ANKRD26: variants seen among roughly 807,000 people sequenced by gnomAD.
ANKRD26 encodes ankyrin repeat domain-containing protein 26.
ANKRD26 carries 141 observed loss-of-function variants against 208.7 expected under a neutral mutation model. The observed-to-expected ratio is 0.68, with a 90% CI of 0.59 to 0.78. The LOEUF (loss-of-function observed/expected upper bound fraction) is 0.78. Among genes scored for constraint, ANKRD26 ranks in the 30% least tolerant of loss-of-function variants. The pLI is 0.00. For synonymous variants in ANKRD26, 636 were observed against 660.4 expected, an observed-to-expected ratio of 0.96 and a Z score of 0.57; for missense variants, 1,889 against 1,938.7, an observed-to-expected ratio of 0.97 and a Z score of 0.48.
At chr10:26,968,990 G>A, downstream of ANKRD26, among the ~76,000 whole-genome samples, 1 of 152,150 alleles carries the variant, frequency 6.6e-6, no homozygotes, top group East Asian at 1.9e-4. Flanking sequence ...CTGGGAGTAG[G>A]AAATCTCAGA....
downstream of ANKRD26, among the ~76,000 whole-genome samples, chr10:26,972,747 T>C (rs968217815): frequency 7.2e-5 from 11 of 151,896 alleles, no homozygotes; most frequent in African/African-American, 9.7e-5. Flanking sequence ...CCCGCCACCG[T>C]GCCCGGCTAA....
the ANKRD26 span, among the ~76,000 whole-genome samples, chr10:26,961,381 C>T: frequency 6.6e-6 from 1 of 152,058 alleles, no homozygotes; most frequent in Admixed American, 6.6e-5. Flanking sequence ...GAATCAAAGG[C>T]AATTTTCCCA....
At chr10:27,008,809 A>G (rs1385520961) in intron 32 of ANKRD26, among the ~76,000 whole-genome samples, 2 of 152,208 alleles carry the variant, frequency 1.3e-5, no homozygotes, top group Admixed American at 1.3e-4. Context: ...CCGCTACATA[A>G]AGTCTCTTCC....
At chr10:27,007,961 CA>C (rs1037253616) in intron 32 of ANKRD26, among the ~76,000 whole-genome samples, 2 of 151,780 alleles carry the variant, frequency 1.3e-5, no homozygotes, top group Non-Finnish European at 2.9e-5. Flanking sequence ...GAATTATAAA[CA>C]AAAAATATAT....
rs770197413 is a variant in ANKRD26 at position 27,012,915 on chromosome 10, A to C, written c.4920T>G (p.Ala1640=). ...AGTAGTTCTCCATGCTATTATTTGAAGCCCGTGGATTTGAGGTAGAGATCA... is the reference window on the plus strand; with the variant it reads ...AGTAGTTCTCCATGCTATTATTTGACGCCCGTGGATTTGAGGTAGAGATCA... ...NLVISTSNPR[A]SNNSMENYLS... is the part of the protein sequence containing the mutation. Residue 1640 remains alanine (A), a synonymous_variant, in exon 32 of 34, where the codon GCT becomes GCG. Transcript: ENST00000376087. 1.9e-6 allele frequency: 3 copies of C among 1,613,962 alleles called. No individual in the cohort carries two copies. In the Admixed American group the frequency reaches 5.0e-5, roughly 27 times the overall value.
At chr10:26,967,115 G>A in the ANKRD26 span, among the ~76,000 whole-genome samples, 1 of 130,266 alleles carries the variant, frequency 7.7e-6, no homozygotes, top group Admixed American at 7.3e-5. Flanking sequence ...ATATTTTTAT[G>A]ACAAGTGATA....
At chr10:27,094,701 T>A (rs2056409941) in intron 1 of ANKRD26, among the ~76,000 whole-genome samples, 1 of 152,232 alleles carries the variant, frequency 6.6e-6, no homozygotes, top group South Asian at 2.1e-4. Flanking sequence ...TGACAGTATG[T>A]TTTAAAGATC....
At chr10:26,989,711 G>A (rs985570303), downstream of ANKRD26, among the ~76,000 whole-genome samples, 1 of 152,188 alleles carries the variant, frequency 6.6e-6, no homozygotes, top group African/African-American at 2.4e-5. Flanking sequence ...CCTGATGAGA[G>A]GCTGCCACGG....
At chr10:27,016,071 A>G (rs550673195) in intron 30 of ANKRD26, among the ~76,000 whole-genome samples, 1 of 152,206 alleles carries the variant, frequency 6.6e-6, no homozygotes, top group Non-Finnish European at 1.5e-5. Flanking sequence ...GCAGCCTTGA[A>G]AACTCCTGGG....
At chr10:26,963,658 C>T in the ANKRD26 span, among the ~76,000 whole-genome samples, 3 of 152,136 alleles carry the variant, frequency 2.0e-5, no homozygotes, top group Middle Eastern at 3.2e-3. Context: ...TACCAAAATC[C>T]GCGGTCCCTG....
chr10:27,025,440 A>G (rs1755408), intron 27 of ANKRD26, among the ~76,000 whole-genome samples: 150,619 of 152,300 alleles, frequency 0.99, 74,483 homozygotes, highest in East Asian at 1. Context: ...AAAGCACTGG[A>G]ATTACAGGTG....
At chr10:26,950,823 T>A in the ANKRD26 span, among the ~76,000 whole-genome samples, 3 of 152,136 alleles carry the variant, frequency 2.0e-5, no homozygotes, top group Non-Finnish European at 4.4e-5. Flanking sequence ...ACACAACACG[T>A]GTCTGTGCCT....
intron 31 of ANKRD26, 45 bp from the exon 32 acceptor site, chr10:27,013,155 C>G: frequency 6.5e-7 from 1 of 1,538,934 alleles, no homozygotes; most frequent in Non-Finnish European, 9.0e-7. Flanking sequence ...TTACTTTTCC[C>G]TAAATGATTC....
In ANKRD26 at chr10:27,060,536, A is replaced by G. The variant is rs2055017848; in HGVS notation, c.1467T>C (p.Ser489=). 6.5e-7 allele frequency: 1 copy of G among 1,539,444 alleles called. No individual in the cohort carries two copies. The highest frequency in any genetic ancestry group is 1.4e-5 in the African/African-American group (1 of 73,102). ...CCTTCAAGTGAAGATATCTCTCAGG[A>G]GACTCTAAAAACCAAAAGGGACATA... is the stretch of plus-strand genomic sequence containing the variant. ...NVGMPVAHME[S]PERYLHLKPT... is the part of the protein sequence containing the mutation. The change falls in exon 14 of 34, where the codon TCT becomes TCC. Residue 489 remains serine (S), a synonymous_variant. Transcript: ENST00000376087.
At chr10:26,962,352 A>G in the ANKRD26 span, among the ~76,000 whole-genome samples, 1 of 152,278 alleles carries the variant, frequency 6.6e-6, no homozygotes, top group East Asian at 1.9e-4. Context: ...AGGCGGGCAG[A>G]TCACCTGAGG....
At chr10:26,982,734 A>G (rs2052326771) in exon 4 of ANKRD26, among the ~76,000 whole-genome samples, 1 of 152,204 alleles carries the variant, frequency 6.6e-6, no homozygotes, top group African/African-American at 2.4e-5. Context: ...CCTCAGTTAG[A>G]GCACTTCTTT....
At chr10:27,050,631 A>G (rs1280234745) in intron 16 of ANKRD26, among the ~76,000 whole-genome samples, 1 of 152,182 alleles carries the variant, frequency 6.6e-6, no homozygotes, top group Non-Finnish European at 1.5e-5. Flanking sequence ...AGGGCTAGAT[A>G]TATTTTTATA....
intron 3 of ANKRD26, among the ~76,000 whole-genome samples, chr10:26,984,861 C>A (rs2134636564): frequency 6.6e-6 from 1 of 152,204 alleles, no homozygotes; most frequent in East Asian, 1.9e-4. Context: ...TTTAATTATA[C>A]CATTGGTCCT....
intron 5 of ANKRD26, among the ~76,000 whole-genome samples, chr10:26,994,146 C>G (rs74128522): frequency 0.021 from 3,178 of 152,220 alleles, 171 homozygotes; most frequent in East Asian, 0.17. Context: ...CACAGCAGCT[C>G]TCTCCAGTCC....
Sources: allele counts gnomAD v4.1 joint callset (sites outside exome capture counted in the v4.1 genomes callset), GRCh38; gene constraint gnomAD v4.1.1; transcripts MANE v1.5; gene names NCBI Gene and HGNC (gene_info 2026-07-23, HGNC 2026-07-21).